Variants in XG observed in about 807,000 individuals in gnomAD.
XG encodes the protein Xg glycoprotein (Xg blood group).
A neutral mutation model predicts 25.7 loss-of-function variants in XG; 24 were observed. That is an observed-to-expected ratio of 0.93 (90% CI 0.68 to 1.31). The LOEUF (loss-of-function observed/expected upper bound fraction) is 1.31, where lower values mean the gene tolerates loss of function less well. Ranked by LOEUF, XG falls within the 40% of genes most tolerant of loss-of-function variation. The pLI, the probability that XG is intolerant of heterozygous loss-of-function variation, is 0.00. For synonymous variants in XG, 77 were observed against 69.2 expected (o/e 1.11, Z -0.56); for missense variants, 181 against 187.6 (o/e 0.96, Z 0.21).
Position 2,752,043 on chromosome X carries a change from C to A in XG, c.-232C>A. On this transcript the variant is annotated 5_prime_UTR_variant, in exon 1 of 11. Transcript: ENST00000644266. ...GCCCGGGGAGGCTGGCTCCGACACA[C>A]GACTGAGTGTGCCTACACTGGTCCC... 3.4e-6 allele frequency: 2 copies of A among 591,624 alleles called. No homozygotes were observed. The highest frequency in any genetic ancestry group is 1.8e-5 in the African/African-American group (1 of 54,264). 36.6% of individuals were successfully genotyped at this position (591,624 alleles called of 1,614,324 possible). A position where few individuals can be genotyped will look rare whatever the true frequency, so the allele number is the denominator to read the frequency against.
chrX:2,754,399 C>T (rs2050392022), intron 1 of XG, among the ~76,000 whole-genome samples: 1 of 152,176 alleles, frequency 6.6e-6, no homozygotes, highest in Non-Finnish European at 1.5e-5. Context: ...CATACCCTGT[C>T]CTGCGCTAAA....
At chrX:2,785,087 C>T (rs1008508131) in intron 4 of XG, among the ~76,000 whole-genome samples, 2 of 111,803 alleles carry the variant, frequency 1.8e-5, no homozygotes, top group South Asian at 3.8e-4. Context: ...TCTGGAAATG[C>T]GGGACAACTG....
intron 1 of XG, among the ~76,000 whole-genome samples, chrX:2,754,412 C>A (rs904536901): frequency 6.6e-6 from 1 of 152,164 alleles, no homozygotes; most frequent in South Asian, 2.1e-4. Context: ...GCGCTAAATT[C>A]TTTGACTGAC....
At chrX:2,765,201 G>A (rs1603304409) in intron 1 of XG, among the ~76,000 whole-genome samples, 1 of 151,890 alleles carries the variant, frequency 6.6e-6, no homozygotes, top group African/African-American at 2.4e-5. Flanking sequence ...AAAAAAATTA[G>A]TTGGGCATAG....
chrX:2,767,267 T>A (rs1281751867), intron 1 of XG, among the ~76,000 whole-genome samples: 1 of 152,012 alleles, frequency 6.6e-6, no homozygotes, highest in African/African-American at 2.4e-5. Context: ...AAGTGCTGTA[T>A]CACATGGCTT....
chrX:2,776,592 G>C (rs1309302382), intron 3 of XG, among the ~76,000 whole-genome samples: 9 of 152,080 alleles, frequency 5.9e-5, no homozygotes, highest in East Asian at 1.9e-4. Context: ...CAGGTGGAAA[G>C]AAGGCTAGGT....
intron 4 of XG, among the ~76,000 whole-genome samples, chrX:2,789,171 C>T (rs1262045752): frequency 9.0e-6 from 1 of 110,925 alleles, no homozygotes; most frequent in Non-Finnish European, 1.9e-5. Flanking sequence ...CTCGAGGCTG[C>T]GGGGAGCTAT....
At chrX:2,760,043 C>A (rs1359246037) in intron 1 of XG, among the ~76,000 whole-genome samples, 2 of 151,936 alleles carry the variant, frequency 1.3e-5, no homozygotes, top group Non-Finnish European at 2.9e-5. Context: ...CCCAGCTACT[C>A]GGGAGGCTGA....
chrX:2,765,057 A>AG (rs775603296), intron 1 of XG, among the ~76,000 whole-genome samples: 10,973 of 135,988 alleles, frequency 0.081, 666 homozygotes, highest in Non-Finnish European at 0.11. Flanking sequence ...AAAAAAAAAA[A>AG]AAAAAAAAGG....
chrX:2,783,453 A>T (rs1011172353), intron 4 of XG, among the ~76,000 whole-genome samples: 8 of 112,468 alleles, frequency 7.1e-5, no homozygotes, highest in African/African-American at 2.6e-4. Flanking sequence ...GCAGTTCAAC[A>T]ACCTTAAAAA....
intron 2 of XG, among the ~76,000 whole-genome samples, chrX:2,773,503 G>C (rs2050880531): frequency 7.1e-6 from 1 of 140,888 alleles, no homozygotes; most frequent in Non-Finnish European, 1.6e-5. Context: ...AGGAAGGAGA[G>C]AAGGAAGGAA....
At chrX:2,764,121 G>A (rs2050624500) in intron 1 of XG, among the ~76,000 whole-genome samples, 1 of 152,136 alleles carries the variant, frequency 6.6e-6, no homozygotes, top group South Asian at 2.1e-4. Flanking sequence ...GAGTGACCTC[G>A]GGTGGTCCTC....
intron 1 of XG, among the ~76,000 whole-genome samples, chrX:2,755,524 C>A (rs764737299): frequency 1.2e-4 from 19 of 152,216 alleles, no homozygotes; most frequent in Admixed American, 9.8e-4. Flanking sequence ...CTTGTGCAGA[C>A]CTTCAGTCTC....
chrX:2,766,787 G>A (rs373110557), intron 1 of XG, among the ~76,000 whole-genome samples: 4 of 151,382 alleles, frequency 2.6e-5, no homozygotes, highest in East Asian at 2.0e-4. Flanking sequence ...GGATGGTCTC[G>A]ATCTCCTGAC....
intron 1 of XG, among the ~76,000 whole-genome samples, chrX:2,770,174 C>T (rs376986206): frequency 2.6e-5 from 4 of 152,230 alleles, no homozygotes; most frequent in Middle Eastern, 3.4e-3. Context: ...GCAACGTGAA[C>T]GCAACTCAAG....
intron 3 of XG, among the ~76,000 whole-genome samples, chrX:2,775,381 G>A (rs1025269465): frequency 3.9e-5 from 6 of 152,150 alleles, no homozygotes; most frequent in African/African-American, 7.2e-5. Context: ...AGACACAAAT[G>A]ATCACATAAT....
intron 9 of XG, among the ~76,000 whole-genome samples, chrX:2,808,817 G>T (rs1228140339): frequency 9.0e-6 from 1 of 111,457 alleles, no homozygotes; most frequent in Non-Finnish European, 1.9e-5. Flanking sequence ...TATGGGGGAG[G>T]AGAAAGTGAT....
chrX:2,808,518 A>G, intron 9 of XG: 1 of 966,230 alleles, frequency 1.0e-6, no homozygotes, highest in South Asian at 3.8e-5. Context: ...CAGTACCACC[A>G]TTACTCCCCT....
chrX:2,773,110 GGAA>G (rs2050860211), intron 2 of XG, among the ~76,000 whole-genome samples: 1 of 150,376 alleles, frequency 6.6e-6, no homozygotes, highest in African/African-American at 2.4e-5. Flanking sequence ...GAAGGGAAAA[GGAA>G]GAGAAGAAAG....
Sources: gnomAD v4.1 joint callset for allele counts (sites outside exome capture counted in the v4.1 genomes callset) on GRCh38, gnomAD v4.1.1 for gene constraint, MANE v1.5 for transcripts, NCBI Gene and HGNC (gene_info 2026-07-23, HGNC 2026-07-21) for gene names.